Variants in ZFTA observed in about 807,000 individuals in gnomAD.
ZFTA encodes the protein zinc finger translocation associated.
ZFTA carries 35 observed loss-of-function variants against 41.8 expected under a neutral mutation model. The ratio of observed to expected loss-of-function variants is 0.84; its 90% CI spans 0.64 to 1.11. The LOEUF (loss-of-function observed/expected upper bound fraction) is 1.11. Among genes scored for constraint, ZFTA ranks in the 50% most tolerant of loss-of-function variants. The probability of loss-of-function intolerance (pLI) is 0.00; values close to 1 mark genes in which losing one functional copy is unlikely to be tolerated. For synonymous variants in ZFTA, 514 were observed against 436.4 expected (o/e 1.18, Z -2.22); for missense variants, 964 against 989.8 (o/e 0.97, Z 0.35).
Position 63,768,608 on chromosome 11 carries a change from C to A in ZFTA, c.15G>T (p.Gly5=). The A allele has an allele frequency of 9.9e-7, 1 of 1,014,144 alleles. No homozygotes were observed. The highest frequency in any genetic ancestry group is 4.5e-5 in the South Asian group (1 of 22,086). 62.8% of individuals were successfully genotyped at this position (1,014,144 alleles called of 1,614,324 possible). A position where few individuals can be genotyped will look rare whatever the true frequency, so the allele number is the denominator to read the frequency against. Residue 5 remains glycine, a synonymous_variant, in exon 1 of 5, where the codon GGG becomes GGT. Transcript: ENST00000433688. MEPG[G]DHRSRSSGGR... is the part of the protein sequence containing the mutation. ...CGCCGCTGCTCCGGCTCCGGTGGTCCCCGCCGGGCTCCATGCGCTGCGCTG... is the reference window on the plus strand; with the variant it reads ...CGCCGCTGCTCCGGCTCCGGTGGTCACCGCCGGGCTCCATGCGCTGCGCTG...
At chr11:63,767,538 G>C (rs768762470) in intron 1 of ZFTA, 3 of 152,122 alleles carry the variant, frequency 2.0e-5, no homozygotes, top group Non-Finnish European at 4.4e-5. Context: ...TCCTTCCAGC[G>C]CTGGATCCAG....
chr11:63,767,563 G>A (rs1281784383), intron 1 of ZFTA: 1 of 152,130 alleles, frequency 6.6e-6, no homozygotes, highest in Non-Finnish European at 1.5e-5. Flanking sequence ...GTCTAAGGTG[G>A]ATTGGCCCTT....
At position 63,763,493 on chromosome 11, in the gene ZFTA, C is replaced by T. The variant is rs1238969214; in HGVS notation, c.1962G>A (p.Glu654=). Residue 654 remains glutamate, a synonymous_variant, in exon 5 of 5, where the codon GAG becomes GAA. Coordinates refer to ENST00000433688, the MANE Select transcript of ZFTA (RefSeq NM_001144936.2). ...EEAALRCYGH[E]GFGPPAPAPR... ...GCGCCGGGGCGGGCGGCCCGAAGCC[C>T]TCGTGGCCGTAGCAGCGCAGCGCCG... is the stretch of plus-strand genomic sequence containing the variant. 2.6e-6 allele frequency: 4 copies of T among 1,532,428 alleles called. No homozygotes were observed. The highest frequency in any genetic ancestry group is 2.5e-5 in the East Asian group (1 of 39,438). The allele number at this position is 1,532,428 out of a possible 1,614,324, so 94.9% of individuals were successfully genotyped here.
Position 63,768,542 on chromosome 11 carries a change from G to T in ZFTA, c.81C>A (p.Gly27=). Residue 27 remains glycine (G), a synonymous_variant, in exon 1 of 5, where the codon GGC becomes GGA. Transcript: ENST00000433688. ...TCGATCCGGCGGGCGGCAGCCGTCG[G>T]CCCCGTGCCGAGGCCACTGCTGGCC... ...GPGPAVASAR[G]RRLPPAGSSG... 1 of 1,146,474 alleles carries T rather than the reference G, an allele frequency of 8.7e-7. No homozygotes were observed. The highest frequency in any genetic ancestry group is 2.3e-5 in the South Asian group (1 of 43,118). 71.0% of individuals were successfully genotyped at this position (1,146,474 alleles called of 1,614,324 possible). A position where few individuals can be genotyped will look rare whatever the true frequency, so the allele number is the denominator to read the frequency against.
chr11:63,760,491 T>C lies in ZFTA; in HGVS notation c.*2927A>G, dbSNP rs2014605015. The C allele has an allele frequency of 6.6e-6, 1 of 152,210 alleles. No homozygotes were observed. The highest frequency in any genetic ancestry group is 6.5e-5 in the Admixed American group (1 of 15,280). 9.4% of individuals were successfully genotyped at this position (152,210 alleles called of 1,614,324 possible). Reference sequence around the variant, plus strand: ...TGAATAATGTCACTAAGTAACATGGTATATAAATATGTATTCAGAGTAACA... The same window carrying C: ...TGAATAATGTCACTAAGTAACATGGCATATAAATATGTATTCAGAGTAACA... On this transcript the variant is annotated 3_prime_UTR_variant, in exon 5 of 5. Coordinates refer to ENST00000433688, the MANE Select transcript of ZFTA (RefSeq NM_001144936.2).
chr11:63,768,200 C>A (rs1179665346), intron 1 of ZFTA, among the ~76,000 whole-genome samples: 3 of 151,756 alleles, frequency 2.0e-5, no homozygotes, highest in Admixed American at 2.0e-4. Context: ...GCGCCCTGCC[C>A]CGTGGGGCCC....
At chr11:63,764,759 C>A (rs1317385510) in intron 3 of ZFTA, 109 bp downstream of exon 3, 4 of 1,397,200 alleles carry the variant, frequency 2.9e-6, no homozygotes, top group Non-Finnish European at 3.7e-6. Context: ...GGAGCACCAG[C>A]TCCTGGCCTT....
chr11:63,764,367 T>C lies in ZFTA; in HGVS notation c.1256A>G (p.Gln419Arg). 2 of 1,313,544 alleles carry C rather than the reference T, an allele frequency of 1.5e-6. No individual in the cohort carries two copies. The highest frequency in any genetic ancestry group is 1.9e-6 in the Non-Finnish European group (2 of 1,035,334). 81.4% of individuals were successfully genotyped at this position (1,313,544 alleles called of 1,614,324 possible). The change falls in exon 4 of 5, where the codon CAG (glutamine) becomes CGG (arginine). Residue 419 changes from glutamine (Q) to arginine (R), a missense_variant. By Grantham distance (43) the Gln-to-Arg change is conservative. Transcript: ENST00000433688. ...PRGRAHRRHPQERWRLEYLME... is the reference protein window; with the variant it reads ...PRGRAHRRHPRERWRLEYLME... ...GAGGTACTCCAGCCGCCAGCGCTCC[T>C]GGGGGTGGCGGCGGTGGGCGCGGCC...
At position 63,765,952 on chromosome 11, in the gene ZFTA, G is replaced by A. The variant is rs574395377; in HGVS notation, c.492C>T (p.Ser164=). Residue 164 remains serine (S), a synonymous_variant, in exon 2 of 5, where the codon AGC becomes AGT. Transcript: ENST00000433688. The surrounding 1 kb of genome is among the most constrained non-coding windows in gnomAD (Gnocchi z 4.0). ...GCCCCAGGTGTGCATCCCAGCTGTT[G>A]CTGATGACTTCCTTCTCCCGGGGAC... ...HWSPREKEVI[S]NSWDAHLGLG... is the part of the protein sequence containing the mutation. 7 of 1,551,632 alleles carry A rather than the reference G, an allele frequency of 4.5e-6. No individual in the cohort carries two copies. The highest frequency in any genetic ancestry group is 6.1e-6 in the Non-Finnish European group (7 of 1,147,020).
intron 1 of ZFTA, 95 bp downstream of exon 1, chr11:63,768,389 C>G: frequency 1.2e-6 from 1 of 804,246 alleles, no homozygotes. Context: ...GCCCGCGTCC[C>G]CCGCTTTGTT....
Position 63,761,774 on chromosome 11 carries a change from C to G in ZFTA, c.*1644G>C, listed in dbSNP as rs575290868. ...AAAATCCGTGGTATAAAATCCAACTCCCAAACAGGAAGCGTCAAGGGGACT... is the reference window on the plus strand; with the variant it reads ...AAAATCCGTGGTATAAAATCCAACTGCCAAACAGGAAGCGTCAAGGGGACT... On this transcript the variant is annotated 3_prime_UTR_variant, in exon 5 of 5. Coordinates refer to ENST00000433688, the MANE Select transcript of ZFTA (RefSeq NM_001144936.2). 2 of 152,362 alleles carry G rather than the reference C, an allele frequency of 1.3e-5. No individual in the cohort carries two copies. Among genetic ancestry groups the G allele is most frequent in the Non-Finnish European group, 1.5e-5 (1 of 68,072 alleles). 9.4% of individuals were successfully genotyped at this position (152,362 alleles called of 1,614,324 possible).
chr11:63,763,953 T>G, intron 4 of ZFTA, 84 bp from the exon 5 acceptor site: 8 of 1,350,210 alleles, frequency 5.9e-6, no homozygotes, highest in Non-Finnish European at 6.7e-6. Context: ...ACCCCATCTT[T>G]GCCCTTCTAT....
Position 63,764,026 on chromosome 11 carries a change from C to T in ZFTA, c.1585+12G>A, listed in dbSNP as rs1037332886. 3.8e-6 allele frequency: 5 copies of T among 1,322,182 alleles called. No homozygotes were observed. Among genetic ancestry groups the T allele is most frequent in the Admixed American group, 3.8e-5 (1 of 26,238 alleles). The allele number at this position is 1,322,182 out of a possible 1,614,324, so 81.9% of individuals were successfully genotyped here. A position where few individuals can be genotyped will look rare whatever the true frequency, so the allele number is the denominator to read the frequency against. Reference sequence around the variant, plus strand: ...GCTCTCCCTCTCCGCCTGCTCTGGCCCCACCGCTCACCCCACTCCTCCTCC... The same window carrying T: ...GCTCTCCCTCTCCGCCTGCTCTGGCTCCACCGCTCACCCCACTCCTCCTCC... On this transcript the variant is annotated intron_variant, in intron 4 of 4. Coordinates refer to ENST00000433688, the MANE Select transcript of ZFTA (RefSeq NM_001144936.2).
Position 63,763,634 on chromosome 11 carries a change from G to A in ZFTA, c.1821C>T (p.Gly607=). The A allele has an allele frequency of 4.5e-6, 7 of 1,548,216 alleles. No homozygotes were observed. Among genetic ancestry groups the A allele is most frequent in the Non-Finnish European group, 6.1e-6 (7 of 1,145,496 alleles). ...TGCTCACCTTGAGCGTGGCCAGCGC[G>A]CCCCCGCACACCATACACACCAGGC... ...RRGLVCMVCG[G]ALATLKVSTI... The change falls in exon 5 of 5, where the codon GGC becomes GGT. Residue 607 remains glycine, a synonymous_variant. Transcript: ENST00000433688.
chr11:63,764,056 C>G lies in ZFTA; in HGVS notation c.1567G>C (p.Glu523Gln). Residue 523 changes from glutamate to glutamine, a missense_variant, in exon 4 of 5, where the codon GAG becomes CAG. By Grantham distance (29) the Glu-to-Gln change is conservative. This residue lies in a region of ZFTA where 584 missense variants were observed against 523.1 expected (regional missense o/e 1.12). Coordinates refer to ENST00000433688, the MANE Select transcript of ZFTA (RefSeq NM_001144936.2). ...GGGDEEEEPE[E>Q]EEEEWGDVPL... is the part of the protein sequence containing the mutation. ...CGCTCACCCCACTCCTCCTCCTCCT[C>G]CTCTGGCTCCTCCTCCTCGTCCCCT... 2 of 1,343,802 alleles carry G rather than the reference C, an allele frequency of 1.5e-6. No homozygotes were observed. Among genetic ancestry groups the G allele is most frequent in the South Asian group, 3.8e-5 (2 of 52,460 alleles). 83.2% of individuals were successfully genotyped at this position (1,343,802 alleles called of 1,614,324 possible).
At chr11:63,768,265 G>T (rs1312738854) in intron 1 of ZFTA, among the ~76,000 whole-genome samples, 1 of 149,954 alleles carries the variant, frequency 6.7e-6, no homozygotes. Context: ...GCCCTTTAAG[G>T]GGGAGGCGAG....
At chr11:63,767,366 A>G (rs2014762352) in intron 1 of ZFTA, 1 of 152,200 alleles carries the variant, frequency 6.6e-6, no homozygotes, top group Non-Finnish European at 1.5e-5. Context: ...GTTTTTATTT[A>G]AGTAGATCCA....
chr11:63,761,951 C>T lies in ZFTA; in HGVS notation c.*1467G>A, dbSNP rs962328309. 1 of 152,492 alleles carries T rather than the reference C, an allele frequency of 6.6e-6. No homozygotes were observed. The highest frequency in any genetic ancestry group is 2.4e-5 in the African/African-American group (1 of 41,446). 9.4% of individuals were successfully genotyped at this position (152,492 alleles called of 1,614,324 possible). ...CTCTTTGCTCTCTGCCTTTCCACCC[C>T]GAGGCAGGGGCTGGACCACGCTGCC... On this transcript the variant is annotated 3_prime_UTR_variant, in exon 5 of 5. Transcript: ENST00000433688.
chr11:63,763,371 G>A lies in ZFTA; in HGVS notation c.*47C>T, dbSNP rs1301016126. 1.1e-5 allele frequency: 13 copies of A among 1,200,112 alleles called. No homozygotes were observed. 74.3% of individuals were successfully genotyped at this position (1,200,112 alleles called of 1,614,324 possible). On this transcript the variant is annotated 3_prime_UTR_variant, in exon 5 of 5. Coordinates refer to ENST00000433688, the MANE Select transcript of ZFTA (RefSeq NM_001144936.2). ...GGCCGGGCGAGCACAGGGCGGGGCG[G>A]GGCCGATCCGACCCGACCCGACCTG...
Sources: allele counts gnomAD v4.1 joint callset (sites outside exome capture counted in the v4.1 genomes callset), GRCh38; gene constraint gnomAD v4.1.1; regional missense constraint gnomAD v4.1.1; non-coding constraint Gnocchi (gnomAD v3.1); transcripts MANE v1.5; gene names NCBI Gene and HGNC (gene_info 2026-07-23, HGNC 2026-07-21).